P3H2: variants seen among roughly 807,000 people sequenced by gnomAD.
P3H2 encodes the protein leprecan-like 1.
P3H2 carries 80 observed loss-of-function variants against 87.0 expected under a neutral mutation model. That is an observed-to-expected ratio of 0.92 (90% confidence interval 0.77 to 1.11). P3H2 has a LOEUF of 1.11. Ranked by LOEUF, P3H2 falls within the 50% of genes least tolerant of loss-of-function variation. The pLI is 0.00. For missense variants in P3H2, 1,001 were observed against 923.9 expected (o/e 1.08, Z -1.08); for synonymous variants, 367 against 359.3 (o/e 1.02, Z -0.24).
intron 8 of P3H2, among the ~76,000 whole-genome samples, chr3:189,979,029 AAG>A (rs1723441988): frequency 1.3e-5 from 2 of 152,304 alleles, no homozygotes; most frequent in Admixed American, 6.5e-5. Context: ...GGCTCATGGC[AAG>A]AAGAATCACT....
intron 13 of P3H2, among the ~76,000 whole-genome samples, chr3:189,968,077 G>A (rs1005073423): frequency 6.6e-6 from 1 of 151,966 alleles, no homozygotes; most frequent in Non-Finnish European, 1.5e-5. Context: ...AGAGATACCT[G>A]GTCATCTATA....
At chr3:190,087,745 T>TGGGTAGGAGA (rs112799384) in intron 1 of P3H2, among the ~76,000 whole-genome samples, 1 of 152,072 alleles carries the variant, frequency 6.6e-6, no homozygotes, top group African/African-American at 2.4e-5. Flanking sequence ...TAATGATTCT[T>TGGGTAGGAGA]GGGTAGGAGA....
intron 8 of P3H2, among the ~76,000 whole-genome samples, chr3:189,978,086 G>T (rs1314177826): frequency 6.6e-6 from 1 of 152,156 alleles, no homozygotes; most frequent in East Asian, 1.9e-4. Flanking sequence ...AAAAAGAAAT[G>T]TTCCTTCAAG....
intron 1 of P3H2, among the ~76,000 whole-genome samples, chr3:190,082,265 A>T (rs1241834284): frequency 6.6e-6 from 1 of 152,104 alleles, no homozygotes; most frequent in East Asian, 1.9e-4. Context: ...CAAAAACAAA[A>T]CAAAACAAAC....
At chr3:190,036,801 C>A (rs966229808) in intron 1 of P3H2, among the ~76,000 whole-genome samples, 1 of 152,136 alleles carries the variant, frequency 6.6e-6, no homozygotes, top group Non-Finnish European at 1.5e-5. Flanking sequence ...GATCCCTTCT[C>A]CTCCACTGTG....
intron 1 of P3H2, among the ~76,000 whole-genome samples, chr3:190,043,934 G>A (rs1725720449): frequency 6.6e-6 from 1 of 152,076 alleles, no homozygotes; most frequent in South Asian, 2.1e-4. Context: ...GTTTTATAGT[G>A]TTATTTGGAT....
rs542916936 is a variant in P3H2 at position 190,079,298 on chromosome 3, G to A, written c.480+40954C>T. On this transcript the variant is annotated intron_variant, in intron 1 of 14. Transcript: ENST00000319332. Reference sequence around the variant, plus strand: ...GGAGGTGGCAGTGAGCTGAGATCACGCCGCTGCACCAGCCTGGGTGACAAA... The same window carrying A: ...GGAGGTGGCAGTGAGCTGAGATCACACCGCTGCACCAGCCTGGGTGACAAA... Among the ~76,000 whole-genome samples the A allele has an allele frequency of 1.7e-3, 261 of 151,618 alleles. 2 individuals carry two copies. The highest frequency in any genetic ancestry group is 6.1e-3 in the African/African-American group (250 of 41,322).
chr3:190,035,265 A>G (rs1725384973), intron 1 of P3H2, among the ~76,000 whole-genome samples: 1 of 152,102 alleles, frequency 6.6e-6, no homozygotes, highest in Non-Finnish European at 1.5e-5. Flanking sequence ...CAGAGTTTAA[A>G]TATTGGCTCC....
In P3H2 at chr3:190,118,589, C is replaced by T. The variant is rs114383644; in HGVS notation, c.480+1663G>A. ...TCCTGGAAAGGATTCAGACTTTCTC[C>T]TCATTTCTTGCCCAAGATACTAGTC... On this transcript the variant is annotated intron_variant, in intron 1 of 14. Coordinates refer to ENST00000319332, the MANE Select transcript of P3H2 (RefSeq NM_018192.4). Among the ~76,000 whole-genome samples the T allele has an allele frequency of 2.6e-3, 398 of 151,752 alleles. 3 individuals carry two copies. Among genetic ancestry groups the T allele is most frequent in the African/African-American group, 8.9e-3 (368 of 41,272 alleles).
intron 1 of P3H2, among the ~76,000 whole-genome samples, chr3:190,005,492 C>T (rs1724360810): frequency 6.6e-6 from 1 of 152,154 alleles, no homozygotes; most frequent in African/African-American, 2.4e-5. Context: ...TAAATTCTGT[C>T]ATTATAATTT....
At chr3:190,011,868 G>T (rs912098230) in intron 1 of P3H2, among the ~76,000 whole-genome samples, 1 of 152,124 alleles carries the variant, frequency 6.6e-6, no homozygotes, top group Non-Finnish European at 1.5e-5. Flanking sequence ...TTCTACTCAT[G>T]TAACATAAAT....
intron 1 of P3H2, among the ~76,000 whole-genome samples, chr3:190,002,406 CT>C (rs567434383): frequency 0.022 from 3,081 of 141,406 alleles, 83 homozygotes; most frequent in African/African-American, 0.071. Flanking sequence ...TTTTTCTTTT[CT>C]TTTTTTTTTT....
chr3:190,029,039 G>T (rs1454140633), intron 1 of P3H2, among the ~76,000 whole-genome samples: 2 of 152,190 alleles, frequency 1.3e-5, no homozygotes, highest in African/African-American at 4.8e-5. Context: ...TCATTTACAT[G>T]ACTTAAAGAA....
At chr3:190,107,386 T>C (rs1711888024) in intron 1 of P3H2, among the ~76,000 whole-genome samples, 1 of 152,212 alleles carries the variant, frequency 6.6e-6, no homozygotes, top group African/African-American at 2.4e-5. Context: ...TTTCATAGCA[T>C]TTTTGTGTGA....
chr3:189,974,142 T>C, intron 9 of P3H2, 138 bp from the exon 10 acceptor site: 2 of 715,468 alleles, frequency 2.8e-6, no homozygotes, highest in Non-Finnish European at 5.0e-6. Flanking sequence ...GATGCTGGTA[T>C]AACTATTCTT....
intron 1 of P3H2, among the ~76,000 whole-genome samples, chr3:190,106,363 A>G (rs1303716623): frequency 1.3e-5 from 2 of 152,132 alleles, no homozygotes; most frequent in African/African-American, 4.8e-5. Context: ...TTGAACGTGA[A>G]GCCAGTTACT....
intron 1 of P3H2, among the ~76,000 whole-genome samples, chr3:190,028,550 A>G (rs1725153900): frequency 6.6e-6 from 1 of 152,220 alleles, no homozygotes; most frequent in Non-Finnish European, 1.5e-5. Context: ...ATCAGAAGCC[A>G]CAACTTAGAC....
Position 190,107,053 on chromosome 3 carries a change from G to A in P3H2, c.480+13199C>T, listed in dbSNP as rs530184581. ...ACTTTTTAAGTCTGTTAAAGGAAAT[G>A]TCATTTTGCTATTTCAGGTTTCTTC... On this transcript the variant is annotated intron_variant, in intron 1 of 14. Transcript: ENST00000319332. 6.6e-5 allele frequency among the ~76,000 whole-genome samples: 10 copies of A among 152,256 alleles called. No individual in the cohort carries two copies. The East Asian group carries it at 1.5e-3, about 23-fold the overall frequency.
intron 13 of P3H2, among the ~76,000 whole-genome samples, chr3:189,970,324 C>CATACCT (rs1282989183): frequency 2.1e-5 from 3 of 144,598 alleles, no homozygotes; most frequent in Non-Finnish European, 4.5e-5. Context: ...TATATACACA[C>CATACCT]ATACCTATAG....
Sources: allele counts gnomAD v4.1 joint callset (sites outside exome capture counted in the v4.1 genomes callset), GRCh38; gene constraint gnomAD v4.1.1; transcripts MANE v1.5; gene names NCBI Gene and HGNC (gene_info 2026-07-23, HGNC 2026-07-21).